The following FHIP1B variants were observed in gnomAD, a reference collection of about 807,000 sequenced individuals.
FHIP1B encodes FHF complex subunit HOOK interacting protein 1B, also known as FHF complex subunit HOOK-interacting protein 1B.
Under a neutral mutation model 82.2 loss-of-function variants are expected in FHIP1B, and 28 were observed. The observed-to-expected ratio is 0.34, with a 90% CI of 0.25 to 0.47. The LOEUF is 0.47. FHIP1B is among the 20% of genes least tolerant of loss of function. FHIP1B has a pLI of 1.00. For synonymous variants in FHIP1B, 585 were observed against 516.1 expected, an observed-to-expected ratio of 1.13 and a Z score of -1.81; for missense variants, 1,110 against 1,262.6, an observed-to-expected ratio of 0.88 and a Z score of 1.83.
In FHIP1B at chr11:6,218,084, C is replaced by T. The variant is rs199932613; in HGVS notation, c.1502G>A (p.Arg501His). ...TTVPRPSTPS[R>H]LALFLRQQSL... is the part of the protein sequence containing the mutation. ...CTGCTGCCGCAGGAAGAGAGCCAGA[C>T]GAGATGGTGTGGAGGGCCGGGGTAC... The change falls in exon 9 of 12, where the codon CGT becomes CAT. Residue 501 changes from arginine to histidine, a missense_variant. Around this residue, in one of 6 missense-constraint regions of FHIP1B, gnomAD observed 418 missense variants for 371.4 expected, o/e 1.13. Transcript: ENST00000449352. 2.2e-5 allele frequency: 35 copies of T among 1,613,678 alleles called. No individual in the cohort carries two copies. In the East Asian group the frequency reaches 2.2e-4, roughly 10 times the overall value.
Position 6,223,884 on chromosome 11 carries a change from C to A in FHIP1B, c.503G>T (p.Ser168Ile). Reference sequence around the variant, plus strand: ...CAAGCCTTCATCCAGTGCTGGGCTACTGGGCACAGGGCGGCCACAGGCATC... The same window carrying A: ...CAAGCCTTCATCCAGTGCTGGGCTAATGGGCACAGGGCGGCCACAGGCATC... The part of the protein sequence containing the change: ...LLDACGRPVP[S>I]SPALDEGLVL... The change falls in exon 3 of 12, where the codon AGT becomes ATT. Residue 168 changes from serine (S) to isoleucine (I), a missense_variant. Ser to Ile is a moderately radical substitution (Grantham distance 142, BLOSUM62 -2). Coordinates refer to ENST00000449352, the MANE Select transcript of FHIP1B (RefSeq NM_001098794.2). This position sits in a 1 kb window ranked among gnomAD's most constrained non-coding sequence, Gnocchi z 4.8. 1 of 1,614,222 alleles carries A rather than the reference C, an allele frequency of 6.2e-7. No homozygotes were observed. The highest frequency in any genetic ancestry group is 8.5e-7 in the Non-Finnish European group (1 of 1,180,034).
intron 9 of FHIP1B, chr11:6,216,930 C>T (rs1195875649): frequency 4.9e-6 from 3 of 607,868 alleles, no homozygotes; most frequent in Non-Finnish European, 8.8e-6. Context: ...GACAGAAAAC[C>T]CAAGACCCAG....
intron 11 of FHIP1B, among the ~76,000 whole-genome samples, chr11:6,213,736 T>G (rs2133780150): frequency 6.6e-6 from 1 of 152,316 alleles, no homozygotes; most frequent in South Asian, 2.1e-4. Flanking sequence ...TTCTGCCTCA[T>G]TAAATGCTTC....
chr11:6,225,032 CTCA>C (rs773807653), intron 1 of FHIP1B, among the ~76,000 whole-genome samples: 1 of 152,198 alleles, frequency 6.6e-6, no homozygotes, highest in Non-Finnish European at 1.5e-5. Flanking sequence ...CAAAATATGT[CTCA>C]CTATTGCAGT....
In FHIP1B at chr11:6,233,638, T is replaced by C. The variant is rs374031350; in HGVS notation, c.-192+906A>G. On this transcript the variant is annotated intron_variant, in intron 1 of 11. Transcript: ENST00000449352. ...ACTGTAAGAAAGGAGAGTAAGGCCA[T>C]CCTGTTTGGGATCCTAAATATAGTA... Among the ~76,000 whole-genome samples the C allele has an allele frequency of 8.5e-5, 13 of 152,352 alleles. No individual in the cohort carries two copies. The South Asian group carries it at 2.7e-3, about 32-fold the overall frequency.
At position 6,234,562 on chromosome 11, in the gene FHIP1B, C is replaced by G. The variant is rs963238261; in HGVS notation, c.-210G>C. On this transcript the variant is annotated 5_prime_UTR_variant, in exon 1 of 12. Coordinates refer to ENST00000449352, the MANE Select transcript of FHIP1B (RefSeq NM_001098794.2). Reference sequence around the variant, plus strand: ...TGCGTACCGTTCACTCACGGAACGCCGAACCTGGCCGGGCCCGGTTGCTGC... The same window carrying G: ...TGCGTACCGTTCACTCACGGAACGCGGAACCTGGCCGGGCCCGGTTGCTGC... 2 of 152,468 alleles carry G rather than the reference C, an allele frequency of 1.3e-5. No homozygotes were observed. Among genetic ancestry groups the G allele is most frequent in the Non-Finnish European group, 2.9e-5 (2 of 68,212 alleles). 9.4% of individuals were successfully genotyped at this position (152,468 alleles called of 1,614,324 possible). A position where few individuals can be genotyped will look rare whatever the true frequency, so the allele number is the denominator to read the frequency against.
chr11:6,212,853 G>C (rs1203907692), intron 11 of FHIP1B, among the ~76,000 whole-genome samples: 1 of 152,072 alleles, frequency 6.6e-6, no homozygotes, highest in East Asian at 1.9e-4. Flanking sequence ...AACCCTTCAG[G>C]CACTTTTCAT....
chr11:6,224,558 T>G lies in FHIP1B; in HGVS notation c.-42A>C. The G allele has an allele frequency of 6.4e-7, 1 of 1,553,674 alleles. No individual in the cohort carries two copies. Reference sequence around the variant, plus strand: ...GACTGGCAGCCAGAGGCCTACACTCTGAGGATTTGCCAGCTGGAGGTTTTC... The same window carrying G: ...GACTGGCAGCCAGAGGCCTACACTCGGAGGATTTGCCAGCTGGAGGTTTTC... On this transcript the variant is annotated 5_prime_UTR_variant, in exon 2 of 12. Transcript: ENST00000449352.
rs201012137 is a variant in FHIP1B at position 6,211,685 on chromosome 11, G to A, written c.2740C>T (p.Arg914Cys). The A allele has an allele frequency of 5.6e-5, 90 of 1,614,132 alleles. No individual in the cohort carries two copies. The highest frequency in any genetic ancestry group is 2.2e-4 in the Admixed American group (13 of 60,010). ...VLLTRGGAPERQGEALRVKNA... is the reference protein window; with the variant it reads ...VLLTRGGAPECQGEALRVKNA... ...TTGACTCGAAGAGCCTCACCTTGGC[G>A]TTCAGGGGCCCCGCCCCGGGTGAGT... The change falls in exon 12 of 12, where the codon CGC (arginine) becomes TGC (cysteine). Residue 914 changes from arginine (R) to cysteine (C), a missense_variant. Arg to Cys is a radical substitution (Grantham distance 180, BLOSUM62 -3). Transcript: ENST00000449352.
intron 9 of FHIP1B, 27 bp from the exon 10 acceptor site, chr11:6,214,938 G>A: frequency 6.5e-7 from 1 of 1,527,232 alleles, no homozygotes; most frequent in African/African-American, 1.4e-5. Context: ...GTGGGCACAA[G>A]GATACAAAGC....
chr11:6,211,942 C>T (rs1231855338), intron 11 of FHIP1B, 75 bp from the exon 12 acceptor site: 3 of 1,480,688 alleles, frequency 2.0e-6, no homozygotes, highest in Non-Finnish European at 2.7e-6. Flanking sequence ...GAGATTCCCC[C>T]ACCCCCTAGG....
intron 1 of FHIP1B, among the ~76,000 whole-genome samples, chr11:6,231,116 A>G (rs559592470): frequency 7.2e-4 from 110 of 152,248 alleles, no homozygotes; most frequent in Non-Finnish European, 1.0e-3. Flanking sequence ...TAAAAAAATC[A>G]TATGAGGTGA....
chr11:6,219,756 T>C (rs1847354147), intron 6 of FHIP1B, among the ~76,000 whole-genome samples: 1 of 152,244 alleles, frequency 6.6e-6, no homozygotes, highest in South Asian at 2.1e-4. Flanking sequence ...TTCCTAGCAC[T>C]TTCTCTATAC....
chr11:6,230,858 CA>C (rs1392808890), intron 1 of FHIP1B, among the ~76,000 whole-genome samples: 5 of 152,170 alleles, frequency 3.3e-5, no homozygotes, highest in African/African-American at 1.2e-4. Context: ...CTCAAAAAAG[CA>C]GCATGGTTTT....
Position 6,217,473 on chromosome 11 carries a change from C to T in FHIP1B, c.2113G>A (p.Glu705Lys). ...CAGGTGAAGCTCTCGTAGGCCTCCT[C>T]CTCCTCAAGGGGCAGTGGAGGTTCT... ...PLEPPLPLEE[E>K]EAYESFTCPP... The change falls in exon 9 of 12, where the codon GAG (glutamate) becomes AAG (lysine). Residue 705 changes from glutamate (E) to lysine (K), a missense_variant. Around this residue, in one of 6 missense-constraint regions of FHIP1B, gnomAD observed 418 missense variants for 371.4 expected, o/e 1.13. Coordinates refer to ENST00000449352, the MANE Select transcript of FHIP1B (RefSeq NM_001098794.2). 6.2e-7 allele frequency: 1 copy of T among 1,613,734 alleles called. No homozygotes were observed. The highest frequency in any genetic ancestry group is 8.5e-7 in the Non-Finnish European group (1 of 1,179,796).
Position 6,214,034 on chromosome 11 carries a change from GAAAAAAAA to G in FHIP1B, c.2557+369_2557+376del, listed in dbSNP as rs59502569. Among the ~76,000 whole-genome samples, 8 of 36,612 alleles carry G rather than the reference GAAAAAAAA, an allele frequency of 2.2e-4. No homozygotes were observed. The Admixed American group carries it at 2.6e-3, about 12-fold the overall frequency. 24.0% of individuals were successfully genotyped at this position (36,612 alleles called of 152,430 possible). On this transcript the variant is annotated intron_variant, in intron 11 of 11. Transcript: ENST00000449352. ...AACTAAACAGTCCAGGACCTCTCCTGAAAAAAAAAAAAAAAAAAAAAAAAAAAAAGATT... is the reference window on the plus strand; with the variant it reads ...AACTAAACAGTCCAGGACCTCTCCTGAAAAAAAAAAAAAAAAAAAAAGATT...
At chr11:6,212,154 A>G (rs1847092048) in intron 11 of FHIP1B, among the ~76,000 whole-genome samples, 1 of 152,076 alleles carries the variant, frequency 6.6e-6, no homozygotes, top group African/African-American at 2.4e-5. Flanking sequence ...CCAGCCAACC[A>G]TCCTTCTCAG....
At chr11:6,228,488 T>C (rs1172303164) in intron 1 of FHIP1B, among the ~76,000 whole-genome samples, 1 of 152,148 alleles carries the variant, frequency 6.6e-6, no homozygotes, top group Non-Finnish European at 1.5e-5. Context: ...AGTGACAAGT[T>C]ATAAATAAAT....
At chr11:6,232,147 T>C (rs957463478) in intron 1 of FHIP1B, among the ~76,000 whole-genome samples, 1 of 151,732 alleles carries the variant, frequency 6.6e-6, no homozygotes, top group Non-Finnish European at 1.5e-5. Context: ...CACTATATGA[T>C]ACAAATCAAA....
Sources: allele counts gnomAD v4.1 joint callset (sites outside exome capture counted in the v4.1 genomes callset), GRCh38; gene constraint gnomAD v4.1.1; regional missense constraint gnomAD v4.1.1; non-coding constraint Gnocchi (gnomAD v3.1); transcripts MANE v1.5; gene names NCBI Gene and HGNC (gene_info 2026-07-23, HGNC 2026-07-21).